Variants in DACH2 observed in about 807,000 individuals in gnomAD.
DACH2 encodes dachshund family transcription factor 2.
A neutral mutation model predicts 35.8 loss-of-function variants in DACH2; 17 were observed. The observed-to-expected ratio is 0.48, with a 90% confidence interval of 0.33 to 0.71. The LOEUF (loss-of-function observed/expected upper bound fraction) is 0.71, where lower values mean the gene tolerates loss of function less well. Ranked by LOEUF, DACH2 falls within the 30% of genes least tolerant of loss-of-function variation. The pLI is 0.02. For missense variants in DACH2, 469 were observed against 472.7 expected, an observed-to-expected ratio of 0.99 and a Z score of 0.07; for synonymous variants, 195 against 177.3, an observed-to-expected ratio of 1.10 and a Z score of -0.79.
chrX:86,375,269 T>A (rs1025341742), intron 1 of DACH2, among the ~76,000 whole-genome samples: 3 of 105,601 alleles, frequency 2.8e-5, no homozygotes, highest in African/African-American at 1.0e-4. Flanking sequence ...AAGTTTAACC[T>A]ATGAAACTCA....
At chrX:86,573,409 G>T (rs1018195293) in intron 3 of DACH2, among the ~76,000 whole-genome samples, 2 of 111,238 alleles carry the variant, frequency 1.8e-5, no homozygotes, top group Admixed American at 1.9e-4. Context: ...TAATCCTCTG[G>T]GGCTCTCCCA....
At chrX:86,707,992 A>T (rs927356932) in intron 5 of DACH2, among the ~76,000 whole-genome samples, 5 of 107,856 alleles carry the variant, frequency 4.6e-5, no homozygotes, top group Non-Finnish European at 9.6e-5. Context: ...ACATTGGAAA[A>T]TCAATTGATG....
intron 1 of DACH2, among the ~76,000 whole-genome samples, chrX:86,280,889 A>T (rs2034013112): frequency 8.9e-6 from 1 of 112,010 alleles, no homozygotes; most frequent in Non-Finnish European, 1.9e-5. Context: ...TCAATGCAAT[A>T]AGAAGAGCTA....
intron 3 of DACH2, among the ~76,000 whole-genome samples, chrX:86,524,095 G>A (rs1248732406): frequency 8.9e-6 from 1 of 112,497 alleles, no homozygotes; most frequent in East Asian, 2.8e-4. Context: ...AGGACAGCTT[G>A]GAGGTTAGAA....
chrX:86,517,601 G>C (rs1159904512), intron 3 of DACH2, among the ~76,000 whole-genome samples: 1 of 109,947 alleles, frequency 9.1e-6, no homozygotes, highest in Non-Finnish European at 1.9e-5. Context: ...TGTATTTTTA[G>C]TAGAGACGAG....
intron 1 of DACH2, among the ~76,000 whole-genome samples, chrX:86,348,539 A>G (rs1602428861): frequency 8.9e-6 from 1 of 111,965 alleles, no homozygotes; most frequent in Non-Finnish European, 1.9e-5. Flanking sequence ...TCAGTCAGCC[A>G]TATACATCAT....
At chrX:86,266,501 T>G (rs1021290911) in intron 1 of DACH2, among the ~76,000 whole-genome samples, 8 of 112,148 alleles carry the variant, frequency 7.1e-5, no homozygotes, top group Non-Finnish European at 1.3e-4. Flanking sequence ...TAGTGGCAAC[T>G]GATACTGTCA....
chrX:86,757,808 G>A (rs1445324825), intron 7 of DACH2, among the ~76,000 whole-genome samples: 3 of 111,908 alleles, frequency 2.7e-5, no homozygotes, highest in African/African-American at 9.7e-5. Flanking sequence ...AGCCCTGCCC[G>A]AGCCATGCTT....
At chrX:86,175,962 T>G (rs765554359) in intron 1 of DACH2, among the ~76,000 whole-genome samples, 3 of 111,654 alleles carry the variant, frequency 2.7e-5, no homozygotes, top group Non-Finnish European at 5.6e-5. Context: ...CAACATTAAG[T>G]GCCCATTAAG....
At chrX:86,410,022 G>T (rs2036585409) in intron 2 of DACH2, among the ~76,000 whole-genome samples, 1 of 112,067 alleles carries the variant, frequency 8.9e-6, no homozygotes, top group Non-Finnish European at 1.9e-5. Flanking sequence ...GGAGAGGTAT[G>T]ATATATGACT....
At chrX:86,315,031 C>T (rs1038001430) in intron 1 of DACH2, among the ~76,000 whole-genome samples, 1 of 112,394 alleles carries the variant, frequency 8.9e-6, no homozygotes, top group African/African-American at 3.2e-5. Context: ...AGGGGAAAAA[C>T]ATGCTGTCTA....
intron 1 of DACH2, among the ~76,000 whole-genome samples, chrX:86,273,708 T>G (rs2033856285): frequency 8.9e-6 from 1 of 112,242 alleles, no homozygotes; most frequent in African/African-American, 3.2e-5. Flanking sequence ...TATTATGGTT[T>G]TGTGGGGAAT....
At chrX:86,473,083 CAG>C (rs2037785664) in intron 2 of DACH2, among the ~76,000 whole-genome samples, 5 of 111,594 alleles carry the variant, frequency 4.5e-5, no homozygotes, top group African/African-American at 6.5e-5. Flanking sequence ...TATTTTTATA[CAG>C]GCATGCAATG....
chrX:86,271,998 T>G (rs195039), intron 1 of DACH2, among the ~76,000 whole-genome samples: 18,009 of 110,827 alleles, frequency 0.16, 1,487 homozygotes, highest in African/African-American at 0.28. Flanking sequence ...CTCCCCATGC[T>G]TCTCAGTCTC....
At chrX:86,446,288 CTT>C (rs753958102) in intron 2 of DACH2, among the ~76,000 whole-genome samples, 39,181 of 77,426 alleles carry the variant, frequency 0.51, 8,988 homozygotes, top group South Asian at 0.71. Flanking sequence ...AGTCTTGTTT[CTT>C]TTTTTTTTTT....
At chrX:86,676,335 G>A (rs185722042) in intron 4 of DACH2, among the ~76,000 whole-genome samples, 253 of 111,912 alleles carry the variant, frequency 2.3e-3, no homozygotes, top group African/African-American at 7.4e-3. Flanking sequence ...TGAAACTGAA[G>A]CTTCTAGCAC....
rs181894208 is a variant in DACH2 at position 86,451,032 on chromosome X, A to C, written c.528-63247A>C. ...CATTCTGTAGATTGTCTGTTCACTCATGATAGTTTCTCTTGCTTTGCAGAA... is the reference window on the plus strand; with the variant it reads ...CATTCTGTAGATTGTCTGTTCACTCCTGATAGTTTCTCTTGCTTTGCAGAA... On this transcript the variant is annotated intron_variant, in intron 2 of 11. Transcript: ENST00000373125. Among the ~76,000 whole-genome samples, 31 of 111,589 alleles carry C rather than the reference A, an allele frequency of 2.8e-4. No homozygotes were observed. The East Asian group carries it at 3.4e-3, about 12-fold the overall frequency.
At chrX:86,443,699 G>A (rs2148186849) in intron 2 of DACH2, among the ~76,000 whole-genome samples, 1 of 111,069 alleles carries the variant, frequency 9.0e-6, no homozygotes, top group South Asian at 3.7e-4. Flanking sequence ...TAATCCTAGT[G>A]TGTTTGGAGT....
At chrX:86,751,980 C>G (rs1395392809) in intron 7 of DACH2, among the ~76,000 whole-genome samples, 1 of 111,479 alleles carries the variant, frequency 9.0e-6, no homozygotes, top group Non-Finnish European at 1.9e-5. Flanking sequence ...CAATCAAATG[C>G]AAGAACACAA....
Sources: allele counts gnomAD v4.1 joint callset (sites outside exome capture counted in the v4.1 genomes callset), GRCh38; gene constraint gnomAD v4.1.1; transcripts MANE v1.5; gene names NCBI Gene and HGNC (gene_info 2026-07-23, HGNC 2026-07-21).